SPIN1: variants seen among roughly 807,000 people sequenced by gnomAD.
SPIN1 encodes the protein spindlin-1.
Under a neutral mutation model 26.0 loss-of-function variants are expected in SPIN1, and 3 were observed. The ratio of observed to expected loss-of-function variants is 0.12; its 90% confidence interval spans 0.05 to 0.30. The LOEUF is 0.30. Among genes scored for constraint, SPIN1 ranks in the 10% least tolerant of loss-of-function variants. SPIN1 has a pLI of 1.00. For missense variants in SPIN1, 126 were observed against 333.4 expected (o/e 0.38, Z 4.84); for synonymous variants, 101 against 116.5 (o/e 0.87, Z 0.86).
intron 1 of SPIN1, among the ~76,000 whole-genome samples, chr9:88,402,118 A>AGTAAGCTGGGATTACAGGT (rs1436565711): frequency 1.1e-4 from 16 of 152,048 alleles, no homozygotes; most frequent in Non-Finnish European, 1.9e-4. Flanking sequence ...CAGCCTCCTG[A>AGTAAGCTGGGATTACAGGT]GTAAGCTGGG....
chr9:88,400,226 C>T (rs1477882789), intron 1 of SPIN1, among the ~76,000 whole-genome samples: 1 of 152,052 alleles, frequency 6.6e-6, no homozygotes, highest in Non-Finnish European at 1.5e-5. Context: ...GTGAGGTGAC[C>T]CATGAGAAAG....
intron 4 of SPIN1, among the ~76,000 whole-genome samples, chr9:88,462,993 G>A (rs73652569): frequency 0.026 from 4,023 of 151,996 alleles, 180 homozygotes; most frequent in African/African-American, 0.092. Context: ...TTTATAATAC[G>A]GTTATTTCTA....
chr9:88,423,177 A>C (rs1827703911), intron 1 of SPIN1, among the ~76,000 whole-genome samples: 1 of 152,252 alleles, frequency 6.6e-6, no homozygotes, highest in African/African-American at 2.4e-5. Flanking sequence ...AAATACTGCT[A>C]AGATAAGCTT....
intron 1 of SPIN1, among the ~76,000 whole-genome samples, chr9:88,406,391 C>T (rs1827311485): frequency 6.6e-6 from 1 of 151,352 alleles, no homozygotes; most frequent in African/African-American, 2.4e-5. Flanking sequence ...CCCAGGTTCA[C>T]ACCATTCTCC....
Position 88,411,460 on chromosome 9 carries a change from A to G in SPIN1, c.-158-14922A>G, listed in dbSNP as rs530600052. 10 of 1,237,328 alleles carry G rather than the reference A, an allele frequency of 8.1e-6. No homozygotes were observed. The East Asian group carries it at 2.3e-4, about 29-fold the overall frequency. The allele number at this position is 1,237,328 out of a possible 1,614,324, so 76.6% of individuals were successfully genotyped here. A position where few individuals can be genotyped will look rare whatever the true frequency, so the allele number is the denominator to read the frequency against. On this transcript the variant is annotated intron_variant, in intron 1 of 5. Coordinates refer to ENST00000375859, the MANE Select transcript of SPIN1 (RefSeq NM_006717.3). ...GCTCTTTAGGAGACTTGTGACTTAG[A>G]CATGATGGCATGGAGAAGAGAGACT...
chr9:88,456,246 T>C (rs1828469762), intron 3 of SPIN1, among the ~76,000 whole-genome samples: 1 of 152,192 alleles, frequency 6.6e-6, no homozygotes, highest in South Asian at 2.1e-4. Flanking sequence ...TAATTTGTAC[T>C]AAAATTATGA....
At chr9:88,422,099 C>G (rs563284005) in intron 1 of SPIN1, among the ~76,000 whole-genome samples, 3 of 152,088 alleles carry the variant, frequency 2.0e-5, no homozygotes, top group Admixed American at 2.0e-4. Flanking sequence ...TTATAATTAA[C>G]GAGTAACCTG....
intron 2 of SPIN1, among the ~76,000 whole-genome samples, chr9:88,434,459 A>G (rs1243717634): frequency 3.3e-5 from 5 of 151,846 alleles, no homozygotes; most frequent in South Asian, 2.1e-4. Context: ...CAACAAATAG[A>G]TATAATAAAG....
chr9:88,473,364 G>A (rs1298082991), intron 5 of SPIN1, among the ~76,000 whole-genome samples: 1 of 151,896 alleles, frequency 6.6e-6, no homozygotes, highest in Non-Finnish European at 1.5e-5. Flanking sequence ...CTGCACTCCA[G>A]CCTGGGCGAG....
At chr9:88,473,617 C>T (rs1828833020) in intron 5 of SPIN1, among the ~76,000 whole-genome samples, 1 of 150,830 alleles carries the variant, frequency 6.6e-6, no homozygotes, top group African/African-American at 2.5e-5. Context: ...ATTTTTTGAT[C>T]TTCCCTCTCC....
rs188467093 is a variant in SPIN1 at position 88,442,330 on chromosome 9, G to T, written c.53-6611G>T. Among the ~76,000 whole-genome samples, 91 of 150,862 alleles carry T rather than the reference G, an allele frequency of 6.0e-4. 2 individuals are homozygous for T. In the Middle Eastern group the frequency reaches 0.014, roughly 23 times the overall value. On this transcript the variant is annotated intron_variant, in intron 2 of 5. Coordinates refer to ENST00000375859, the MANE Select transcript of SPIN1 (RefSeq NM_006717.3). ...CTCTACTATCTTCCTTTTTTGCATG[G>T]TTTCTGAGGAGAAAGCTCATGTAAT...
At chr9:88,426,750 T>G (rs1034254619) in intron 2 of SPIN1, among the ~76,000 whole-genome samples, 159 bp downstream of exon 2, 2 of 152,248 alleles carry the variant, frequency 1.3e-5, no homozygotes, top group African/African-American at 4.8e-5. Flanking sequence ...AGATTTAAGT[T>G]TCTTGAAAGG....
chr9:88,427,284 T>G (rs1827781429), intron 2 of SPIN1, among the ~76,000 whole-genome samples: 2 of 151,470 alleles, frequency 1.3e-5, no homozygotes, highest in Admixed American at 6.6e-5. Context: ...AGTACAAACT[T>G]AAGTGATTTA....
At chr9:88,449,096 A>G in intron 3 of SPIN1, 107 bp downstream of exon 3, 1 of 963,620 alleles carries the variant, frequency 1.0e-6, no homozygotes, top group Non-Finnish European at 1.7e-6. Context: ...AGGGCTTCCT[A>G]GCTCATAGGA....
In SPIN1 at chr9:88,477,548, T is replaced by C. The variant is rs1828909943; in HGVS notation, c.*2271T>C. 1.3e-5 allele frequency: 2 copies of C among 152,564 alleles called. No individual in the cohort carries two copies. The highest frequency in any genetic ancestry group is 4.1e-4 in the South Asian group (2 of 4,834). The allele number at this position is 152,564 out of a possible 1,614,324, so 9.5% of individuals were successfully genotyped here. A position where few individuals can be genotyped will look rare whatever the true frequency, so the allele number is the denominator to read the frequency against. On this transcript the variant is annotated 3_prime_UTR_variant, in exon 6 of 6. Coordinates refer to ENST00000375859, the MANE Select transcript of SPIN1 (RefSeq NM_006717.3). ...AGGGAAAGGGAAGGTTTGTTTTTTTTTCTCCCCATTTTCCCCCATTCTGTC... is the reference window on the plus strand; with the variant it reads ...AGGGAAAGGGAAGGTTTGTTTTTTTCTCTCCCCATTTTCCCCCATTCTGTC...
intron 1 of SPIN1, among the ~76,000 whole-genome samples, chr9:88,409,889 C>T (rs867637137): frequency 3.7e-4 from 57 of 152,116 alleles, no homozygotes; most frequent in African/African-American, 1.3e-3. Context: ...TGGCAGCTTC[C>T]CTTTTCCCTC....
chr9:88,457,636 A>C (rs2118169285), intron 3 of SPIN1, among the ~76,000 whole-genome samples: 1 of 152,254 alleles, frequency 6.6e-6, no homozygotes, highest in South Asian at 2.1e-4. Flanking sequence ...GTAAAATGAA[A>C]GTTTTTTTTT....
At position 88,427,584 on chromosome 9, in the gene SPIN1, CT is replaced by C. The variant is rs200278799; in HGVS notation, c.52+1002del. Among the ~76,000 whole-genome samples, 1,083 of 151,130 alleles carry C rather than the reference CT, an allele frequency of 7.2e-3. 10 individuals are homozygous for C. The highest frequency in any genetic ancestry group is 0.02 in the South Asian group (93 of 4,748). On this transcript the variant is annotated intron_variant, in intron 2 of 5. Transcript: ENST00000375859. The stretch of plus-strand genomic sequence containing the variant: ...GTTTTTCTCATCTAAAAAAACGGGA[CT>C]TTTTTTTTCTTTTTCTCTCTTTTTT...
intron 2 of SPIN1, among the ~76,000 whole-genome samples, chr9:88,437,056 C>T (rs1004535562): frequency 3.9e-5 from 6 of 152,074 alleles, no homozygotes; most frequent in South Asian, 2.1e-4. Context: ...TGAGCCACCG[C>T]GCCCGGCCTC....
Sources: allele counts gnomAD v4.1 joint callset (sites outside exome capture counted in the v4.1 genomes callset), GRCh38; gene constraint gnomAD v4.1.1; transcripts MANE v1.5; gene names NCBI Gene and HGNC (gene_info 2026-07-23, HGNC 2026-07-21).